Variants in ALS2CL observed in about 807,000 individuals in gnomAD.
ALS2CL encodes the protein ALS2 C-terminal like, also known as ALS2 C-terminal-like protein.
ALS2CL carries 112 observed loss-of-function variants against 127.9 expected under a neutral mutation model. The observed-to-expected ratio is 0.88, with a 90% confidence interval of 0.75 to 1.02. The LOEUF (loss-of-function observed/expected upper bound fraction) is 1.02, where lower values mean the gene tolerates loss of function less well. Ranked by LOEUF, ALS2CL falls within the 50% of genes least tolerant of loss-of-function variation. The probability of loss-of-function intolerance (pLI) is 0.00; values close to 1 mark genes in which losing one functional copy is unlikely to be tolerated. For missense variants in ALS2CL, 1,174 were observed against 1,236.7 expected (o/e 0.95, Z 0.76); for synonymous variants, 519 against 527.6 (o/e 0.98, Z 0.22).
chr3:46,669,992 C>G lies in ALS2CL; in HGVS notation c.*992G>C, dbSNP rs1698270242. 6.6e-6 allele frequency: 1 copy of G among 152,352 alleles called. No homozygotes were observed. Among genetic ancestry groups the G allele is most frequent in the African/African-American group, 2.4e-5 (1 of 41,440 alleles). 9.4% of individuals were successfully genotyped at this position (152,352 alleles called of 1,614,324 possible). Reference sequence around the variant, plus strand: ...TCCAGCTTCTTCTCCAGAGCTGCACCCTGCACAAATCCACCCTCTCCCTAC... The same window carrying G: ...TCCAGCTTCTTCTCCAGAGCTGCACGCTGCACAAATCCACCCTCTCCCTAC... On this transcript the variant is annotated 3_prime_UTR_variant, in exon 26 of 26. Coordinates refer to ENST00000318962, the MANE Select transcript of ALS2CL (RefSeq NM_147129.5).
intron 7 of ALS2CL, among the ~76,000 whole-genome samples, chr3:46,685,310 G>A (rs111500001): frequency 5.3e-5 from 8 of 152,184 alleles, no homozygotes; most frequent in East Asian, 1.9e-4. Context: ...GGCTGAAGCC[G>A]GGACAAACCC....
chr3:46,677,013 G>A lies in ALS2CL; in HGVS notation c.1767C>T (p.Gly589=), dbSNP rs375239761. 202 of 1,604,336 alleles carry A rather than the reference G, an allele frequency of 1.3e-4. No individual in the cohort carries two copies. The highest frequency in any genetic ancestry group is 9.9e-4 in the Middle Eastern group (6 of 6,032). The change falls in exon 17 of 26, where the codon GGC becomes GGT. Residue 589 remains glycine (G), a synonymous_variant. Coordinates refer to ENST00000318962, the MANE Select transcript of ALS2CL (RefSeq NM_147129.5). ...DPSSTCKRQL[G]VGAFPVESRW... is the part of the protein sequence containing the mutation. ...GGCTTTCCACGGGGAAGGCACCCAC[G>A]CCCAGCTGCCTGCGATGGGGATGGA...
At chr3:46,682,924 C>T (rs914380006) in intron 10 of ALS2CL, among the ~76,000 whole-genome samples, 2 of 152,240 alleles carry the variant, frequency 1.3e-5, no homozygotes, top group Non-Finnish European at 1.5e-5. Context: ...TGTCCTCTAG[C>T]GTCACCATCA....
In ALS2CL at chr3:46,671,865, C is replaced by T. The variant is rs749848259; in HGVS notation, c.2684+19G>A. ...GGACCCTGCCCCTGCCCTGCACCCC[C>T]AGCTCCTGACTGCCTCACCGGGCGC... On this transcript the variant is annotated intron_variant, in intron 24 of 25. Coordinates refer to ENST00000318962, the MANE Select transcript of ALS2CL (RefSeq NM_147129.5). 25 of 1,612,880 alleles carry T rather than the reference C, an allele frequency of 1.6e-5. No homozygotes were observed. In the Admixed American group the frequency reaches 3.7e-4, roughly 24 times the overall value.
intron 7 of ALS2CL, among the ~76,000 whole-genome samples, chr3:46,684,926 C>G (rs62246200): frequency 0.018 from 2,797 of 152,288 alleles, 37 homozygotes; most frequent in Non-Finnish European, 0.028. Flanking sequence ...GGCCAACCTT[C>G]TAAGGGGTAG....
intron 19 of ALS2CL, chr3:46,675,983 T>G: frequency 7.0e-7 from 1 of 1,422,958 alleles, no homozygotes; most frequent in Non-Finnish European, 9.1e-7. Flanking sequence ...CAGCCTACAG[T>G]GGGGTGAGAG....
rs368840460 is a variant in ALS2CL at position 46,676,841 on chromosome 3, G to A, written c.1931+8C>T. 6.4e-4 allele frequency: 827 copies of A among 1,301,616 alleles called. 1 individual carries two copies. The highest frequency in any genetic ancestry group is 7.5e-4 in the Admixed American group (39 of 52,262). 80.6% of individuals were successfully genotyped at this position (1,301,616 alleles called of 1,614,324 possible). Reference sequence around the variant, plus strand: ...CTAACCTGTGCATGCTCACACAGCCGGCCTCACCTCTCGCAGGACAGGTAA... The same window carrying A: ...CTAACCTGTGCATGCTCACACAGCCAGCCTCACCTCTCGCAGGACAGGTAA... On this transcript the variant is annotated splice_region_variant and intron_variant, in intron 17 of 25. Coordinates refer to ENST00000318962, the MANE Select transcript of ALS2CL (RefSeq NM_147129.5).
At position 46,677,118 on chromosome 3, in the gene ALS2CL, G is replaced by A. The variant is rs978486764; in HGVS notation, c.1758-96C>T. 1.1e-5 allele frequency: 17 copies of A among 1,497,634 alleles called. No individual in the cohort carries two copies. The African/African-American group carries it at 2.1e-4, about 18-fold the overall frequency. 92.8% of individuals were successfully genotyped at this position (1,497,634 alleles called of 1,614,324 possible). A position where few individuals can be genotyped will look rare whatever the true frequency, so the allele number is the denominator to read the frequency against. On this transcript the variant is annotated intron_variant, in intron 16 of 25. Transcript: ENST00000318962. ...GGCCCTTGGAGGGGTGGGGGTATGAGCCTGGCCCAGGATCAAGCCCCAAGA... is the reference window on the plus strand; with the variant it reads ...GGCCCTTGGAGGGGTGGGGGTATGAACCTGGCCCAGGATCAAGCCCCAAGA...
At chr3:46,676,557 G>T in intron 18 of ALS2CL, 85 bp downstream of exon 18, 1 of 1,550,406 alleles carries the variant, frequency 6.4e-7, no homozygotes, top group Non-Finnish European at 8.8e-7. Flanking sequence ...CCTTCAGTCA[G>T]CACCCTGCTA....
rs1490755228 is a variant in ALS2CL at position 46,686,478 on chromosome 3, C to T, written c.535-39G>A. ...GGGCAGCCAGTGAGAGGAGAGCTTACTGGAATCTTCCCTAGCCCAGTCCTG... is the reference window on the plus strand; with the variant it reads ...GGGCAGCCAGTGAGAGGAGAGCTTATTGGAATCTTCCCTAGCCCAGTCCTG... On this transcript the variant is annotated intron_variant, in intron 5 of 25. Coordinates refer to ENST00000318962, the MANE Select transcript of ALS2CL (RefSeq NM_147129.5). This position sits in a 1 kb window ranked among gnomAD's most constrained non-coding sequence, Gnocchi z 4.3. 5 of 1,596,272 alleles carry T rather than the reference C, an allele frequency of 3.1e-6. No individual in the cohort carries two copies. Among genetic ancestry groups the T allele is most frequent in the East Asian group, 2.2e-5 (1 of 44,728 alleles).
At chr3:46,688,395 A>T in intron 2 of ALS2CL, 99 bp from the exon 3 acceptor site, 1 of 1,179,430 alleles carries the variant, frequency 8.5e-7, no homozygotes, top group Non-Finnish European at 1.2e-6. Context: ...AGCCACCAGC[A>T]CCGGCCAGCC....
intron 1 of ALS2CL, among the ~76,000 whole-genome samples, chr3:46,691,640 C>T (rs1700159431): frequency 6.6e-6 from 1 of 152,134 alleles, no homozygotes; most frequent in Non-Finnish European, 1.5e-5. Context: ...CCTCTCTGTA[C>T]CTCAGCCACC....
intron 15 of ALS2CL, 55 bp from the exon 16 acceptor site, chr3:46,678,444 C>T (rs1309979588): frequency 2.6e-5 from 41 of 1,570,896 alleles, no homozygotes; most frequent in Non-Finnish European, 3.5e-5. Context: ...CCCTTCCAGC[C>T]AATCATGACA....
At chr3:46,675,592 G>T (rs1310350037) in intron 20 of ALS2CL, 26 bp downstream of exon 20, 1 of 1,609,436 alleles carries the variant, frequency 6.2e-7, no homozygotes, top group South Asian at 1.1e-5. Context: ...GACACGGCAG[G>T]CCCCAAGGAG....
chr3:46,683,606 C>G (rs1353036991), intron 9 of ALS2CL, among the ~76,000 whole-genome samples, 176 bp downstream of exon 9: 1 of 152,176 alleles, frequency 6.6e-6, no homozygotes, highest in Admixed American at 6.5e-5. Context: ...AAGAAAAATA[C>G]CCTGTTCTTT....
intron 7 of ALS2CL, among the ~76,000 whole-genome samples, chr3:46,684,302 C>G (rs113971126): frequency 0.014 from 2,182 of 152,272 alleles, 56 homozygotes; most frequent in African/African-American, 0.049. Context: ...GAGTGGTCTA[C>G]AAATGAAGCT....
chr3:46,671,825 T>C (rs755981078), intron 24 of ALS2CL, 59 bp downstream of exon 24: 5 of 1,603,896 alleles, frequency 3.1e-6, no homozygotes, highest in Non-Finnish European at 4.3e-6. Context: ...TCAGAAGATA[T>C]CGTGGTTGGG....
chr3:46,690,499 G>C (rs909395933), intron 1 of ALS2CL, among the ~76,000 whole-genome samples: 6 of 152,176 alleles, frequency 3.9e-5, no homozygotes, highest in Admixed American at 2.0e-4. Flanking sequence ...TAAAGGGAGG[G>C]GTGAAGAGAG....
chr3:46,671,605 A>G (rs748260285), intron 24 of ALS2CL, 21 bp from the exon 25 acceptor site: 9 of 1,612,744 alleles, frequency 5.6e-6, no homozygotes, highest in Middle Eastern at 1.7e-4. Context: ...CCGCCCCACC[A>G]AGAGAGCGAG....
Sources: allele counts gnomAD v4.1 joint callset (sites outside exome capture counted in the v4.1 genomes callset), GRCh38; gene constraint gnomAD v4.1.1; non-coding constraint Gnocchi (gnomAD v3.1); transcripts MANE v1.5; gene names NCBI Gene and HGNC (gene_info 2026-07-23, HGNC 2026-07-21).